The following PHACTR3 variants were observed in gnomAD, a reference collection of about 807,000 sequenced individuals.
PHACTR3 encodes phosphatase and actin regulator 3, also known as protein phosphatase 1, regulatory subunit 123.
PHACTR3 carries 16 observed loss-of-function variants against 66.8 expected under a neutral mutation model. The observed-to-expected ratio is 0.24, with a 90% CI of 0.16 to 0.36. PHACTR3 has a LOEUF of 0.36. Among genes scored for constraint, PHACTR3 ranks in the 10% least tolerant of loss-of-function variants. The pLI is 1.00. For missense variants in PHACTR3, 647 were observed against 719.9 expected (o/e 0.90, Z 1.16); for synonymous variants, 323 against 292.1 (o/e 1.11, Z -1.08).
At chr20:59,749,406 G>C (rs544812854) in intron 3 of PHACTR3, among the ~76,000 whole-genome samples, 2 of 152,184 alleles carry the variant, frequency 1.3e-5, no homozygotes, top group Non-Finnish European at 2.9e-5. Context: ...TTCTAGGAGC[G>C]TTGGCTTTTT....
chr20:59,767,830 A>T (rs2040231896), intron 5 of PHACTR3, among the ~76,000 whole-genome samples: 6 of 150,096 alleles, frequency 4.0e-5, no homozygotes, highest in African/African-American at 1.5e-4. Context: ...ATTCCATTCC[A>T]TTCCTTTCCT....
At chr20:59,640,833 T>C (rs2146422679) in intron 1 of PHACTR3, among the ~76,000 whole-genome samples, 1 of 152,274 alleles carries the variant, frequency 6.6e-6, no homozygotes, top group Non-Finnish European at 1.5e-5. Flanking sequence ...TGCAAAAGAA[T>C]CTTAAATGTG....
rs190837731 is a variant in PHACTR3 at position 59,587,886 on chromosome 20, C to T, written c.109+10269C>T. On this transcript the variant is annotated intron_variant, in intron 1 of 12. Transcript: ENST00000359926. ...CTGAATCCTCTCAGCCTTCAAATCT[C>T]TCCTCCCTCCCTTCCACCCTGTCCA... is the stretch of plus-strand genomic sequence containing the variant. 5.1e-3 allele frequency among the ~76,000 whole-genome samples: 773 copies of T among 152,316 alleles called. 7 individuals are homozygous for T. The highest frequency in any genetic ancestry group is 0.017 in the African/African-American group (723 of 41,566).
intron 4 of PHACTR3, among the ~76,000 whole-genome samples, chr20:59,764,511 G>T (rs1345986236): frequency 3.3e-5 from 5 of 152,168 alleles, no homozygotes; most frequent in Non-Finnish European, 5.9e-5. Context: ...ATTTTATACA[G>T]ATTATTGTAC....
At position 59,737,578 on chromosome 20, in the gene PHACTR3, G is replaced by T. The variant is rs537469816; in HGVS notation, c.119-5529G>T. On this transcript the variant is annotated intron_variant, in intron 1 of 12. Coordinates refer to ENST00000371015, the MANE Select transcript of PHACTR3 (RefSeq NM_080672.5). ...TGTCTCTGTGTGCATGTGTGTGTGC[G>T]TGTGTGTGCATGCACACCAGCTGAT... 2.0e-5 allele frequency among the ~76,000 whole-genome samples: 3 copies of T among 152,208 alleles called. No individual in the cohort carries two copies. In the East Asian group the frequency reaches 5.8e-4, roughly 29 times the overall value.
At chr20:59,578,089 C>A in intron 1 of PHACTR3, among the ~76,000 whole-genome samples, 1 of 152,242 alleles carries the variant, frequency 6.6e-6, no homozygotes, top group Non-Finnish European at 1.5e-5. Flanking sequence ...GGGCCATGGG[C>A]CTCCACCCAC....
At chr20:59,611,814 A>C (rs1465496332) in intron 1 of PHACTR3, among the ~76,000 whole-genome samples, 1 of 152,222 alleles carries the variant, frequency 6.6e-6, no homozygotes, top group Non-Finnish European at 1.5e-5. Context: ...TTCACAAGTT[A>C]TTCCCTCTGG....
rs565499861 is a variant in PHACTR3 at position 59,660,287 on chromosome 20, G to A, written c.118+55155G>A. Reference sequence around the variant, plus strand: ...AGGTGGGCAGATCACGAGGTCAGAAGATCGAGATCATCCTGGCTAACATGG... The same window carrying A: ...AGGTGGGCAGATCACGAGGTCAGAAAATCGAGATCATCCTGGCTAACATGG... On this transcript the variant is annotated intron_variant, in intron 1 of 12. Transcript: ENST00000371015. 2.6e-5 allele frequency among the ~76,000 whole-genome samples: 4 copies of A among 152,340 alleles called. No individual in the cohort carries two copies. The South Asian group carries it at 8.3e-4, about 32-fold the overall frequency.
chr20:59,653,634 A>G (rs889264828), intron 1 of PHACTR3, among the ~76,000 whole-genome samples: 2 of 152,214 alleles, frequency 1.3e-5, no homozygotes, highest in African/African-American at 4.8e-5. Context: ...TATGGATGTT[A>G]TTATTTTGAA....
intron 1 of PHACTR3, 26 bp from the exon 2 acceptor site, chr20:59,743,081 G>A (rs1440941068): frequency 6.2e-7 from 1 of 1,603,204 alleles, no homozygotes; most frequent in Non-Finnish European, 8.5e-7. Context: ...GGCCACTTGA[G>A]GACCCCCTTG....
At chr20:59,677,844 G>A (rs6100548) in intron 1 of PHACTR3, among the ~76,000 whole-genome samples, 42,829 of 152,040 alleles carry the variant, frequency 0.28, 7,178 homozygotes, top group African/African-American at 0.46. Flanking sequence ...AAAATCCATG[G>A]TGAGGTTCAT....
At chr20:59,682,512 T>C (rs2036700628) in intron 1 of PHACTR3, among the ~76,000 whole-genome samples, 2 of 152,252 alleles carry the variant, frequency 1.3e-5, no homozygotes, top group East Asian at 1.9e-4. Context: ...ACGGCACCTA[T>C]AACCAGTAGG....
At chr20:59,744,423 G>A (rs2039290361) in intron 2 of PHACTR3, among the ~76,000 whole-genome samples, 1 of 152,244 alleles carries the variant, frequency 6.6e-6, no homozygotes, top group African/African-American at 2.4e-5. Context: ...AATTAGTGAG[G>A]GAGCTGCTGC....
At chr20:59,733,458 T>G (rs1197256559) in intron 1 of PHACTR3, among the ~76,000 whole-genome samples, 1 of 152,204 alleles carries the variant, frequency 6.6e-6, no homozygotes, top group Non-Finnish European at 1.5e-5. Context: ...GGATTTTCAG[T>G]GCTCAGTGCT....
intron 11 of PHACTR3, chr20:59,843,617 A>G (rs2059102184): frequency 6.6e-6 from 1 of 152,132 alleles, no homozygotes; most frequent in African/African-American, 2.4e-5. Flanking sequence ...TGCTGGGAAA[A>G]TTGGATATCC....
chr20:59,713,858 C>G (rs2037994682), intron 1 of PHACTR3, among the ~76,000 whole-genome samples: 1 of 152,070 alleles, frequency 6.6e-6, no homozygotes, highest in Non-Finnish European at 1.5e-5. Context: ...CCACGGTCAA[C>G]TCCCACAGCA....
intron 7 of PHACTR3, among the ~76,000 whole-genome samples, chr20:59,784,700 G>A (rs1009753816): frequency 6.6e-6 from 1 of 152,206 alleles, no homozygotes; most frequent in East Asian, 1.9e-4. Context: ...AAGCCTCTGA[G>A]GGTTGTCCCA....
chr20:59,845,175 T>C lies in PHACTR3; in HGVS notation c.1588-14T>C. 3.2e-6 allele frequency: 5 copies of C among 1,540,952 alleles called. No homozygotes were observed. The highest frequency in any genetic ancestry group is 4.5e-6 in the Non-Finnish European group (5 of 1,116,426). On this transcript the variant is annotated splice_polypyrimidine_tract_variant and intron_variant, in intron 11 of 12. Transcript: ENST00000371015. ...TAATATCCTGTAAAACAATGTCTTG[T>C]TTTTAAATTTCAGGCAGCAATTCGT... is the stretch of plus-strand genomic sequence containing the variant.
chr20:59,801,806 G>A (rs1372491376), intron 7 of PHACTR3, among the ~76,000 whole-genome samples: 1 of 152,214 alleles, frequency 6.6e-6, no homozygotes, highest in Admixed American at 6.5e-5. Flanking sequence ...CAAATAATTA[G>A]GATATGTTGT....
Sources: allele counts gnomAD v4.1 joint callset (sites outside exome capture counted in the v4.1 genomes callset), GRCh38; gene constraint gnomAD v4.1.1; transcripts MANE v1.5; gene names NCBI Gene and HGNC (gene_info 2026-07-23, HGNC 2026-07-21).